Variants in NBPF15 observed in about 807,000 individuals in gnomAD.
NBPF15 encodes the protein NBPF family member NBPF15.
Under a neutral mutation model 62.2 loss-of-function variants are expected in NBPF15, and 74 were observed. The ratio of observed to expected loss-of-function variants is 1.19; its 90% CI spans 0.99 to 1.44. The LOEUF (loss-of-function observed/expected upper bound fraction) is 1.44, where lower values mean the gene tolerates loss of function less well. Ranked by LOEUF, NBPF15 falls within the 40% of genes most tolerant of loss-of-function variation. NBPF15 has a pLI of 0.00. For synonymous variants in NBPF15, 244 were observed against 209.7 expected, an observed-to-expected ratio of 1.16 and a Z score of -1.41; for missense variants, 790 against 550.0, an observed-to-expected ratio of 1.44 and a Z score of -4.36.
At chr1:144,451,065 A>G (rs1376265232) in intron 4 of NBPF15, among the ~76,000 whole-genome samples, 195 bp from the exon 5 acceptor site, 1 of 152,026 alleles carries the variant, frequency 6.6e-6, no homozygotes, top group Non-Finnish European at 1.5e-5. Flanking sequence ...GAGTTCCCTT[A>G]GTATTTATTG....
rs1480308339 is a variant in NBPF15 at position 144,440,106 on chromosome 1, C to A, written c.-36+35G>T. ...TGAAATCAAATAGGTTTAATCAGGA[C>A]TGAGGGATGTAAGTAACTGAAATTC... On this transcript the variant is annotated intron_variant, in intron 7 of 21. Transcript: ENST00000581897. 22 of 1,580,510 alleles carry A rather than the reference C, an allele frequency of 1.4e-5. 1 individual carries two copies. Among genetic ancestry groups the A allele is most frequent in the Non-Finnish European group, 1.8e-5 (21 of 1,152,388 alleles).
At chr1:144,447,865 G>T (rs1176804976) in intron 6 of NBPF15, among the ~76,000 whole-genome samples, 1 of 152,160 alleles carries the variant, frequency 6.6e-6, no homozygotes, top group African/African-American at 2.4e-5. Context: ...TCAATTATGG[G>T]TTGAAGAGTA....
At chr1:144,451,289 A>G (rs12078943) in intron 4 of NBPF15, among the ~76,000 whole-genome samples, 4,079 of 151,804 alleles carry the variant, frequency 0.027, 200 homozygotes, top group African/African-American at 0.093. Context: ...GTCCTAAGGC[A>G]GTTTTCTCCT....
intron 6 of NBPF15, 53 bp from the exon 7 acceptor site, chr1:144,440,348 G>C: frequency 9.5e-7 from 1 of 1,052,794 alleles, no homozygotes; most frequent in Non-Finnish European, 1.3e-6. Flanking sequence ...AATCTTAGGA[G>C]CCCTGCATTC....
intron 10 of NBPF15, among the ~76,000 whole-genome samples, 176 bp from the exon 11 acceptor site, chr1:144,436,029 T>G (rs1678019822): frequency 6.7e-6 from 1 of 150,300 alleles, no homozygotes; most frequent in Non-Finnish European, 1.5e-5. Context: ...CATCAGGCAA[T>G]GCATTTCTGA....
At chr1:144,426,192 G>A in intron 18 of NBPF15, 86 bp downstream of exon 18, 2 of 629,246 alleles carry the variant, frequency 3.2e-6, no homozygotes, top group East Asian at 5.6e-5. Context: ...CATCTCTCGG[G>A]TCAGTAAGGG....
At position 144,455,452 on chromosome 1, in the gene NBPF15, C is replaced by T. The variant is rs1197632204; in HGVS notation, c.-432+1085G>A. ...CTGTTTCCACGGGGTACAACCCCTT[C>T]TTCCTCCTCTGAAACACATTATTCC... On this transcript the variant is annotated intron_variant, in intron 4 of 21. Coordinates refer to ENST00000581897, the MANE Select transcript of NBPF15 (RefSeq NM_001385408.1). 7.2e-5 allele frequency among the ~76,000 whole-genome samples: 11 copies of T among 152,052 alleles called. 1 individual carries two copies. The highest frequency in any genetic ancestry group is 3.3e-4 in the Admixed American group (5 of 15,254).
chr1:144,440,061 TATG>T (rs1452318223), intron 7 of NBPF15, 23 bp from the exon 8 acceptor site: 2 of 1,559,340 alleles, frequency 1.3e-6, no homozygotes, highest in East Asian at 4.5e-5. Flanking sequence ...AACCCAAACA[TATG>T]ATGGGTTAAA....
intron 13 of NBPF15, among the ~76,000 whole-genome samples, chr1:144,432,934 T>C (rs1183163385): frequency 6.6e-6 from 1 of 151,580 alleles, no homozygotes. Flanking sequence ...GGACTTGAAC[T>C]CAGCTCTCCA....
chr1:144,453,293 A>G (rs1477843478), intron 4 of NBPF15, among the ~76,000 whole-genome samples: 3 of 151,746 alleles, frequency 2.0e-5, no homozygotes, highest in Non-Finnish European at 4.4e-5. Context: ...ATGCAAAAAA[A>G]TAAATAAATC....
intron 3 of NBPF15, among the ~76,000 whole-genome samples, chr1:144,457,056 G>T (rs1571169713): frequency 6.6e-6 from 1 of 151,862 alleles, no homozygotes; most frequent in Non-Finnish European, 1.5e-5. Flanking sequence ...GCACACACTT[G>T]TAGTCTCAGC....
chr1:144,427,889 GAGTC>G lies in NBPF15; in HGVS notation c.1138_1141del (p.Asp380HisfsTer76). On this transcript the variant is annotated frameshift_variant, in exon 16 of 22. Coordinates refer to ENST00000581897, the MANE Select transcript of NBPF15 (RefSeq NM_001385408.1). LOFTEE classifies it high-confidence loss of function. Reference sequence around the variant, plus strand: ...AAAGGCACTTCTGTAGGGCTGGCATGAGTCAGTCAGTTCAAGACAACCTGAAGGA... The same window carrying G: ...AAAGGCACTTCTGTAGGGCTGGCATGAGTCAGTTCAAGACAACCTGAAGGA... 1.6e-6 allele frequency: 1 copy of G among 641,804 alleles called. No homozygotes were observed. The highest frequency in any genetic ancestry group is 1.9e-5 in the South Asian group (1 of 52,380). The allele number at this position is 641,804 out of a possible 1,614,324, so 39.8% of individuals were successfully genotyped here. A position where few individuals can be genotyped will look rare whatever the true frequency, so the allele number is the denominator to read the frequency against.
chr1:144,433,993 GACC>G (rs1252712772), intron 12 of NBPF15, among the ~76,000 whole-genome samples, 169 bp from the exon 13 acceptor site: 1 of 147,046 alleles, frequency 6.8e-6, no homozygotes, highest in Non-Finnish European at 1.5e-5. Context: ...AGAATTAGAT[GACC>G]CTGCTTTCCA....
At chr1:144,440,773 C>G (rs1185947859) in intron 6 of NBPF15, among the ~76,000 whole-genome samples, 37 of 150,476 alleles carry the variant, frequency 2.5e-4, no homozygotes, top group African/African-American at 8.5e-4. Context: ...CTGCCTCAGA[C>G]TCCCAAGTAG....
intron 8 of NBPF15, among the ~76,000 whole-genome samples, chr1:144,438,270 G>A (rs1323531508): frequency 2.0e-5 from 3 of 149,542 alleles, no homozygotes; most frequent in Non-Finnish European, 4.4e-5. Flanking sequence ...GCACATCAAG[G>A]AAGTTGACAA....
chr1:144,427,316 G>T, intron 16 of NBPF15, among the ~76,000 whole-genome samples: 1 of 126,648 alleles, frequency 7.9e-6, no homozygotes, highest in East Asian at 2.4e-4. Flanking sequence ...CTGGTAGATC[G>T]TTATCCCAAT....
chr1:144,437,246 C>T, intron 9 of NBPF15, 137 bp from the exon 10 acceptor site: 2 of 894,134 alleles, frequency 2.2e-6, no homozygotes, highest in South Asian at 1.4e-5. Context: ...AAAGGAATGT[C>T]TGTGGCCAAG....
chr1:144,431,434 T>C (rs1239150022), intron 13 of NBPF15, among the ~76,000 whole-genome samples: 1 of 150,492 alleles, frequency 6.6e-6, no homozygotes, highest in Non-Finnish European at 1.5e-5. Context: ...TTCTTTTTTT[T>C]TCCATATGTA....
chr1:144,461,314 C>G (rs1214948112), intron 1 of NBPF15, 67 bp downstream of exon 1: 25 of 151,448 alleles, frequency 1.7e-4, no homozygotes, highest in African/African-American at 5.8e-4. Context: ...CGCCCTCCGT[C>G]GCTCGCAACA....
Sources: allele counts gnomAD v4.1 joint callset (sites outside exome capture counted in the v4.1 genomes callset), GRCh38; gene constraint gnomAD v4.1.1; transcripts MANE v1.5; gene names NCBI Gene and HGNC (gene_info 2026-07-23, HGNC 2026-07-21).